PTPN4: variants seen among roughly 807,000 people sequenced by gnomAD.
The protein encoded by PTPN4 is protein tyrosine phosphatase non-receptor type 4.
In PTPN4, 49 loss-of-function variants were observed where a neutral mutation model predicts 135.5. That is an observed-to-expected ratio of 0.36 (90% CI 0.29 to 0.46). PTPN4 has a LOEUF of 0.46. PTPN4 is among the 20% of genes least tolerant of loss of function. The pLI, the probability that PTPN4 is intolerant of heterozygous loss-of-function variation, is 1.00. For missense variants in PTPN4, 860 were observed against 1,101.0 expected (o/e 0.78, Z 3.10); for synonymous variants, 333 against 369.9 (o/e 0.90, Z 1.14).
At chr2:119,840,495 G>T (rs1393638514) in intron 2 of PTPN4, among the ~76,000 whole-genome samples, 3 of 152,154 alleles carry the variant, frequency 2.0e-5, no homozygotes, top group Non-Finnish European at 1.5e-5. Flanking sequence ...TCATTAATGG[G>T]CATTTAGGTT....
intron 2 of PTPN4, among the ~76,000 whole-genome samples, chr2:119,812,688 G>A (rs1216082830): frequency 2.6e-5 from 4 of 152,128 alleles, no homozygotes; most frequent in African/African-American, 7.2e-5. Context: ...CCTATGGAGT[G>A]TATTGTCCCT....
At chr2:119,904,758 A>G (rs72838978) in intron 10 of PTPN4, among the ~76,000 whole-genome samples, 3,163 of 152,326 alleles carry the variant, frequency 0.021, 58 homozygotes, top group Non-Finnish European at 0.033. Flanking sequence ...CTGCAGATAA[A>G]CCAGTAGAAA....
intron 3 of PTPN4, among the ~76,000 whole-genome samples, chr2:119,871,348 T>G (rs915440966): frequency 6.6e-6 from 1 of 151,946 alleles, no homozygotes; most frequent in African/African-American, 2.4e-5. Context: ...GCAACACTAT[T>G]TTTAATAGGA....
At chr2:119,907,465 A>G (rs1232047372) in intron 10 of PTPN4, among the ~76,000 whole-genome samples, 1 of 152,128 alleles carries the variant, frequency 6.6e-6, no homozygotes, top group Admixed American at 6.5e-5. Flanking sequence ...TTAGCTGGGC[A>G]TAATGGCATG....
rs1678958553 is a variant in PTPN4 at position 119,934,855 on chromosome 2, C to G, written c.1252C>G (p.His418Asp). 1 of 1,613,768 alleles carries G rather than the reference C, an allele frequency of 6.2e-7. No individual in the cohort carries two copies. The highest frequency in any genetic ancestry group is 1.3e-5 in the African/African-American group (1 of 74,902). The change falls in exon 15 of 27, where the codon CAT becomes GAT. Residue 418 changes from histidine to aspartate, a missense_variant. Physicochemically the swap from His to Asp is moderately conservative, Grantham distance 81 (BLOSUM62 -1). This residue lies in a region of PTPN4 where 684 missense variants were observed against 807.0 expected (regional missense o/e 0.85). Coordinates refer to ENST00000263708, the MANE Select transcript of PTPN4 (RefSeq NM_002830.4). ...GTRLRPSSVG[H>D]LVDHMVHTSP... Reference sequence around the variant, plus strand: ...CCGGTTACGACCATCTTCAGTTGGTCATTTGGTAGACCATATGGTTCATAC... The same window carrying G: ...CCGGTTACGACCATCTTCAGTTGGTGATTTGGTAGACCATATGGTTCATAC...
At chr2:119,788,134 A>C (rs1007096521) in intron 1 of PTPN4, among the ~76,000 whole-genome samples, 7 of 152,172 alleles carry the variant, frequency 4.6e-5, no homozygotes, top group African/African-American at 1.7e-4. Context: ...TGTTCGTAAG[A>C]AAACTTAGGG....
intron 1 of PTPN4, among the ~76,000 whole-genome samples, chr2:119,809,205 T>G (rs1691534843): frequency 6.6e-6 from 1 of 152,058 alleles, no homozygotes; most frequent in African/African-American, 2.4e-5. Flanking sequence ...GTATCGCTGA[T>G]ATCACTGTGA....
Position 119,956,832 on chromosome 2 carries a change from T to A in PTPN4, c.1981-12T>A, listed in dbSNP as rs762986708. 9 of 1,579,922 alleles carry A rather than the reference T, an allele frequency of 5.7e-6. 1 individual carries two copies. The South Asian group carries it at 1.1e-4, about 19-fold the overall frequency. Reference sequence around the variant, plus strand: ...CTTTTGTTGGAATTGTACCTTTTTTTTTTTTTTTTAGCAACTGTATCGGAA... The same window carrying A: ...CTTTTGTTGGAATTGTACCTTTTTTATTTTTTTTTAGCAACTGTATCGGAA... On this transcript the variant is annotated splice_polypyrimidine_tract_variant and intron_variant, in intron 20 of 26. Transcript: ENST00000263708.
At chr2:119,968,174 G>A (rs1277001708) in intron 26 of PTPN4, among the ~76,000 whole-genome samples, 1 of 152,158 alleles carries the variant, frequency 6.6e-6, no homozygotes, top group Non-Finnish European at 1.5e-5. Flanking sequence ...TAAAATTTTA[G>A]TGGAACACAG....
In PTPN4 at chr2:119,983,659, A is replaced by C. The variant is rs910406198; in HGVS notation, c.*6589A>C. 2.6e-5 allele frequency: 4 copies of C among 152,234 alleles called. No individual in the cohort carries two copies. The highest frequency in any genetic ancestry group is 5.9e-5 in the Non-Finnish European group (4 of 68,038). The allele number at this position is 152,234 out of a possible 1,614,324, so 9.4% of individuals were successfully genotyped here. ...AGTGTTGTAAACGTGGGAAAATTTT[A>C]ATTAGTGTTGGAGGTCATTAGATTG... On this transcript the variant is annotated 3_prime_UTR_variant, in exon 27 of 27. Transcript: ENST00000263708.
At chr2:119,894,840 CAAG>C (rs1678296119) in intron 9 of PTPN4, among the ~76,000 whole-genome samples, 1 of 151,970 alleles carries the variant, frequency 6.6e-6, no homozygotes, top group Non-Finnish European at 1.5e-5. Context: ...ATAATGAAAA[CAAG>C]GAGATACCAA....
At chr2:119,836,659 G>T (rs574790405) in intron 2 of PTPN4, among the ~76,000 whole-genome samples, 1 of 152,352 alleles carries the variant, frequency 6.6e-6, no homozygotes, top group Admixed American at 6.5e-5. Flanking sequence ...GGGCATCCCT[G>T]TGCTCTCGCG....
intron 9 of PTPN4, among the ~76,000 whole-genome samples, chr2:119,887,211 G>A (rs1335468749): frequency 2.0e-5 from 3 of 152,148 alleles, no homozygotes; most frequent in Non-Finnish European, 4.4e-5. Context: ...AAAAGGGGCT[G>A]GGCATAATGT....
At chr2:119,845,108 G>A (rs1456141887) in intron 2 of PTPN4, among the ~76,000 whole-genome samples, 52 of 149,802 alleles carry the variant, frequency 3.5e-4, no homozygotes, top group African/African-American at 8.9e-4. Context: ...CAGGCGTGGC[G>A]GCGCGAGCCT....
chr2:119,842,334 T>C (rs1403766160), intron 2 of PTPN4, among the ~76,000 whole-genome samples: 4 of 152,226 alleles, frequency 2.6e-5, no homozygotes, highest in East Asian at 1.9e-4. Flanking sequence ...TTGAAGTCTT[T>C]AAAGGCATTA....
chr2:119,888,065 T>A (rs1678185476), intron 9 of PTPN4, among the ~76,000 whole-genome samples: 1 of 152,182 alleles, frequency 6.6e-6, no homozygotes, highest in South Asian at 2.1e-4. Flanking sequence ...GTAGTTTTCC[T>A]TGTAGAGATC....
chr2:119,917,012 T>C (rs1015403373), intron 11 of PTPN4, among the ~76,000 whole-genome samples: 1 of 152,246 alleles, frequency 6.6e-6, no homozygotes, highest in Non-Finnish European at 1.5e-5. Context: ...AAATATAATA[T>C]TGTTATCTGG....
intron 2 of PTPN4, among the ~76,000 whole-genome samples, chr2:119,830,112 A>G (rs1677198028): frequency 6.6e-6 from 1 of 152,172 alleles, no homozygotes; most frequent in African/African-American, 2.4e-5. Flanking sequence ...CATAGTCACA[A>G]AGGTGTGTAT....
intron 2 of PTPN4, among the ~76,000 whole-genome samples, chr2:119,847,321 T>C (rs1382780453): frequency 1.3e-3 from 139 of 111,052 alleles, no homozygotes; most frequent in Non-Finnish European, 2.3e-3. Flanking sequence ...CACACATATA[T>C]ATATATATTT....
Sources: allele counts gnomAD v4.1 joint callset (sites outside exome capture counted in the v4.1 genomes callset), GRCh38; gene constraint gnomAD v4.1.1; regional missense constraint gnomAD v4.1.1; transcripts MANE v1.5; gene names NCBI Gene and HGNC (gene_info 2026-07-23, HGNC 2026-07-21).